Variants in PKD1 observed in about 807,000 individuals in gnomAD.
The protein encoded by PKD1 is polycystin-1.
PKD1 carries 81 observed loss-of-function variants against 361.7 expected under a neutral mutation model. That is an observed-to-expected ratio of 0.22 (90% confidence interval 0.19 to 0.27). PKD1 has a LOEUF of 0.27. Among genes scored for constraint, PKD1 ranks in the 10% least tolerant of loss-of-function variants. The pLI is 1.00. For synonymous variants in PKD1, 3,615 were observed against 2,818.3 expected (o/e 1.28, Z -8.95); for missense variants, 6,399 against 6,118.3 (o/e 1.05, Z -1.53).
At position 2,135,884 on chromosome 16, in the gene PKD1, C is replaced by T. The variant is rs867790304; in HGVS notation, c.-195G>A. On this transcript the variant is annotated 5_prime_UTR_variant, in exon 1 of 46. Coordinates refer to ENST00000262304, the MANE Select transcript of PKD1 (RefSeq NM_001009944.3). ...GGGAGCTCGGCCGCCCGCTCGGACG[C>T]TGGCGCTGCAGTGCGGGCCCCGCCG... 7.6e-4 allele frequency: 164 copies of T among 216,268 alleles called. No homozygotes were observed. The Middle Eastern group carries it at 0.019, about 25-fold the overall frequency. The allele number at this position is 216,268 out of a possible 1,614,324, so 13.4% of individuals were successfully genotyped here.
rs1297133156 is a variant in PKD1 at position 2,135,087 on chromosome 16, G to A, written c.215+388C>T. On this transcript the variant is annotated intron_variant, in intron 1 of 45. Coordinates refer to ENST00000262304, the MANE Select transcript of PKD1 (RefSeq NM_001009944.3). The stretch of plus-strand genomic sequence containing the variant: ...TGCACATCCATCAAATCCTTTTCCA[G>A]ACACCTCCTGGAACTCTTCCCTGCC... 4.0e-5 allele frequency: 39 copies of A among 975,884 alleles called. 1 individual carries two copies. The highest frequency in any genetic ancestry group is 4.6e-5 in the Non-Finnish European group (38 of 821,186). The allele number at this position is 975,884 out of a possible 1,614,324, so 60.5% of individuals were successfully genotyped here.
chr16:2,106,336 G>C lies in PKD1; in HGVS notation c.7490-32C>G. On this transcript the variant is annotated intron_variant, in intron 18 of 45. Coordinates refer to ENST00000262304, the MANE Select transcript of PKD1 (RefSeq NM_001009944.3). The surrounding 1 kb of genome is among the most constrained non-coding windows in gnomAD (Gnocchi z 6.5). ...GACGGTCCCCACGGCATCACGGGAGGGCTCCGTGACGTCACAGAGTCGGGG... is the reference window on the plus strand; with the variant it reads ...GACGGTCCCCACGGCATCACGGGAGCGCTCCGTGACGTCACAGAGTCGGGG... The C allele has an allele frequency of 6.2e-7, 1 of 1,602,868 alleles. No individual in the cohort carries two copies. Among genetic ancestry groups the C allele is most frequent in the East Asian group, 2.2e-5 (1 of 44,722 alleles).
intron 1 of PKD1, among the ~76,000 whole-genome samples, chr16:2,131,293 C>G (rs1048453251): frequency 6.6e-6 from 1 of 152,068 alleles, no homozygotes; most frequent in African/African-American, 2.4e-5. Flanking sequence ...GGGAGGATCA[C>G]GAGGTCAGGA....
Position 2,100,168 on chromosome 16 carries a change from G to A in PKD1, c.9710C>T (p.Ala3237Val), listed in dbSNP as rs780474965. Residue 3237 changes from alanine to valine, a missense_variant and splice_region_variant, in exon 28 of 46, where the codon GCG (alanine) becomes GTG (valine). Ala to Val is a moderately conservative substitution (Grantham distance 64). Transcript: ENST00000262304. This position sits in a 1 kb window ranked among gnomAD's most constrained non-coding sequence, Gnocchi z 4.4. ...GGGAACATGGAACGAGGCCTTACTCGCGGCCAGCACCTCCTTCTCCACCAG... is the reference window on the plus strand; with the variant it reads ...GGGAACATGGAACGAGGCCTTACTCACGGCCAGCACCTCCTTCTCCACCAG... ...GGLVEKEVLA[A>V]SDAALLRFRR... The A allele has an allele frequency of 1.9e-5, 30 of 1,607,902 alleles. No homozygotes were observed. The highest frequency in any genetic ancestry group is 5.0e-5 in the Admixed American group (3 of 59,982).
chr16:2,125,906 G>A (rs947910992), intron 1 of PKD1, among the ~76,000 whole-genome samples: 9 of 152,140 alleles, frequency 5.9e-5, no homozygotes, highest in East Asian at 1.9e-4. Context: ...GGCTCAAGGG[G>A]CCCTCCTCCT....
chr16:2,122,441 T>C (rs975062264), intron 1 of PKD1, among the ~76,000 whole-genome samples: 3 of 151,966 alleles, frequency 2.0e-5, no homozygotes, highest in East Asian at 1.9e-4. Flanking sequence ...CCTGCTTCTC[T>C]GCCGTCCCCT....
At position 2,105,630 on chromosome 16, in the gene PKD1, C is replaced by T; in HGVS notation, c.7864-156G>A. On this transcript the variant is annotated intron_variant, in intron 20 of 45. Transcript: ENST00000262304. ...CTGAGCTGTTTCTTCATGGGCAAAA[C>T]AGGGTAAGCACATGGGCCCTCCTGG... 6 of 1,543,154 alleles carry T rather than the reference C, an allele frequency of 3.9e-6. No individual in the cohort carries two copies. The East Asian group carries it at 7.0e-5, about 18-fold the overall frequency.
Position 2,099,786 on chromosome 16 carries a change from G to T in PKD1, c.9924-16C>A. On this transcript the variant is annotated splice_polypyrimidine_tract_variant and intron_variant, in intron 29 of 45. Transcript: ENST00000262304. The stretch of plus-strand genomic sequence containing the variant: ...ATGCCCCGTGCTGTGTGGAGGAGAG[G>T]AGGCCACACAGGTGAGGCTGAGGGG... The T allele has an allele frequency of 6.4e-7, 1 of 1,553,100 alleles. No individual in the cohort carries two copies. The highest frequency in any genetic ancestry group is 8.7e-7 in the Non-Finnish European group (1 of 1,148,300).
chr16:2,108,946 T>C lies in PKD1; in HGVS notation c.6221A>G (p.Asn2074Ser). Reference sequence around the variant, plus strand: ...GGCGGCCTCAAACTGCGCCGAGCGGTTGGTGAAGCAGGGGCCGCTCTGCAG... The same window carrying C: ...GGCGGCCTCAAACTGCGCCGAGCGGCTGGTGAAGCAGGGGCCGCTCTGCAG... ...VALQSGPCFTNRSAQFEAATS... is the reference protein window; with the variant it reads ...VALQSGPCFTSRSAQFEAATS... The change falls in exon 15 of 46, where the codon AAC (asparagine) becomes AGC (serine). Residue 2074 changes from asparagine to serine, a missense_variant. Physicochemically the swap from Asn to Ser is conservative, Grantham distance 46. Coordinates refer to ENST00000262304, the MANE Select transcript of PKD1 (RefSeq NM_001009944.3). 2 of 1,606,488 alleles carry C rather than the reference T, an allele frequency of 1.2e-6. No homozygotes were observed. Among genetic ancestry groups the C allele is most frequent in the African/African-American group, 1.3e-5 (1 of 74,842 alleles).
In PKD1 at chr16:2,099,783, G is replaced by C. The variant is rs1465746386; in HGVS notation, c.9924-13C>G. 3 of 1,553,436 alleles carry C rather than the reference G, an allele frequency of 1.9e-6. No homozygotes were observed. Among genetic ancestry groups the C allele is most frequent in the South Asian group, 1.2e-5 (1 of 84,866 alleles). On this transcript the variant is annotated splice_polypyrimidine_tract_variant and intron_variant, in intron 29 of 45. Coordinates refer to ENST00000262304, the MANE Select transcript of PKD1 (RefSeq NM_001009944.3). ...CACATGCCCCGTGCTGTGTGGAGGA[G>C]AGGAGGCCACACAGGTGAGGCTGAG...
At position 2,106,504 on chromosome 16, in the gene PKD1, G is replaced by A. The variant is rs768426968; in HGVS notation, c.7383C>T (p.Ala2461=). The A allele has an allele frequency of 1.3e-6, 2 of 1,595,184 alleles. No individual in the cohort carries two copies. Among genetic ancestry groups the A allele is most frequent in the Non-Finnish European group, 1.7e-6 (2 of 1,178,466 alleles). ...LGRSGEEEGC[A]SIRLSPNRPP... is the part of the protein sequence containing the mutation. ...GGCGGTTGGGGGACAGGCGGATGGA[G>A]GCGCAGCCCTCCTCCTCGCCAGAGC... Residue 2461 remains alanine, a synonymous_variant, in exon 18 of 46, where the codon GCC becomes GCT. Transcript: ENST00000262304. The surrounding 1 kb of genome is among the most constrained non-coding windows in gnomAD (Gnocchi z 6.5).
At position 2,110,804 on chromosome 16, in the gene PKD1, T is replaced by C. The variant is rs2151797716; in HGVS notation, c.4363A>G (p.Asn1455Asp). Residue 1455 changes from asparagine to aspartate, a missense_variant, in exon 15 of 46, where the codon AAT (asparagine) becomes GAT (aspartate). Physicochemically the swap from Asn to Asp is conservative, Grantham distance 23 (BLOSUM62 1). Coordinates refer to ENST00000262304, the MANE Select transcript of PKD1 (RefSeq NM_001009944.3). Reference protein sequence around the residue: ...VTASNNISAANDSALVEVQEP... With the variant: ...VTASNNISAADDSALVEVQEP... Reference sequence around the variant, plus strand: ...TGCACCTCCACCAGGGCTGAGTCATTGGCAGCAGAGATGTTGTTGGACGCG... The same window carrying C: ...TGCACCTCCACCAGGGCTGAGTCATCGGCAGCAGAGATGTTGTTGGACGCG... The C allele has an allele frequency of 1.2e-6, 2 of 1,611,376 alleles. No individual in the cohort carries two copies. The highest frequency in any genetic ancestry group is 4.5e-5 in the East Asian group (2 of 44,880).
intron 34 of PKD1, chr16:2,094,920 C>G (rs759770220): frequency 6.6e-6 from 1 of 152,528 alleles, no homozygotes; most frequent in Non-Finnish European, 1.5e-5. Context: ...ACCGAAAGAA[C>G]GGCCTGACCC....
At chr16:2,128,436 G>A (rs1219347638) in intron 1 of PKD1, among the ~76,000 whole-genome samples, 2 of 151,650 alleles carry the variant, frequency 1.3e-5, no homozygotes, top group African/African-American at 2.4e-5. Flanking sequence ...AGCCCGACTC[G>A]GAAGCGCCAC....
intron 1 of PKD1, among the ~76,000 whole-genome samples, chr16:2,129,014 C>G (rs562831567): frequency 1.3e-5 from 2 of 152,048 alleles, no homozygotes; most frequent in African/African-American, 2.4e-5. Context: ...CAGGCGCCCA[C>G]GACCACACCT....
intron 6 of PKD1, among the ~76,000 whole-genome samples, chr16:2,117,269 C>T (rs947569083): frequency 7.6e-4 from 116 of 152,308 alleles, no homozygotes; most frequent in Non-Finnish European, 1.1e-3. Flanking sequence ...GGCCACCTCC[C>T]GTATGGCGTG....
rs1328274824 is a variant in PKD1 at position 2,091,778 on chromosome 16, C to T, written c.11537+3G>A. ...CGGAGAGGGCAGGGGAGGGAGCTCCCACCTGTTGTCCAGCCAGTTGTGCAG... is the reference window on the plus strand; with the variant it reads ...CGGAGAGGGCAGGGGAGGGAGCTCCTACCTGTTGTCCAGCCAGTTGTGCAG... On this transcript the variant is annotated splice_donor_region_variant and intron_variant, in intron 41 of 45. Coordinates refer to ENST00000262304, the MANE Select transcript of PKD1 (RefSeq NM_001009944.3). 1.2e-6 allele frequency: 2 copies of T among 1,610,374 alleles called. No individual in the cohort carries two copies. The highest frequency in any genetic ancestry group is 1.3e-5 in the African/African-American group (1 of 74,978).
chr16:2,090,521 C>G lies in PKD1; in HGVS notation c.12208G>C (p.Gly4070Arg). The change falls in exon 45 of 46, where the codon GGG (glycine) becomes CGG (arginine). Residue 4070 changes from glycine to arginine, a missense_variant. Coordinates refer to ENST00000262304, the MANE Select transcript of PKD1 (RefSeq NM_001009944.3). ...TCGGCAGGACACAGGGTAGAGAGCC[C>G]AGTCCCAGGGCACAGCACCAACAGG... ...QALLVLCPGT[G>R]LSTLCPAESW... is the part of the protein sequence containing the mutation. 1 of 1,610,810 alleles carries G rather than the reference C, an allele frequency of 6.2e-7. No individual in the cohort carries two copies. Among genetic ancestry groups the G allele is most frequent in the African/African-American group, 1.3e-5 (1 of 75,014 alleles).
rs752795943 is a variant in PKD1, at chr16:2,115,465, C to T, written c.2010G>A (p.Thr670=). 89 of 1,601,370 alleles carry T rather than the reference C, an allele frequency of 5.6e-5. 3 individuals are homozygous for T. The highest frequency in any genetic ancestry group is 3.9e-4 in the African/African-American group (29 of 74,726). ...GGGCCCCGGGTAGCCCTGGCCCTGACGTGCAGCCATTGGCGCAGGCCTGGG... is the reference window on the plus strand; with the variant it reads ...GGGCCCCGGGTAGCCCTGGCCCTGATGTGCAGCCATTGGCGCAGGCCTGGG... ...CHPQACANGC[T]SGPGLPGAPY... The change falls in exon 10 of 46, where the codon ACG becomes ACA. Residue 670 remains threonine, a synonymous_variant. Transcript: ENST00000262304.
Sources: allele counts gnomAD v4.1 joint callset (sites outside exome capture counted in the v4.1 genomes callset), GRCh38; gene constraint gnomAD v4.1.1; non-coding constraint Gnocchi (gnomAD v3.1); transcripts MANE v1.5; gene names NCBI Gene and HGNC (gene_info 2026-07-23, HGNC 2026-07-21).